PRKCQ: variants seen among roughly 807,000 people sequenced by gnomAD.
PRKCQ encodes the protein protein kinase C theta, also known as protein kinase C theta type.
A neutral mutation model predicts 91.2 loss-of-function variants in PRKCQ; 41 were observed. That is an observed-to-expected ratio of 0.45 (90% CI 0.35 to 0.58). The LOEUF (loss-of-function observed/expected upper bound fraction) is 0.58. Among genes scored for constraint, PRKCQ ranks in the 20% least tolerant of loss-of-function variants. The probability of loss-of-function intolerance (pLI) is 0.00; values close to 1 mark genes in which losing one functional copy is unlikely to be tolerated. For synonymous variants in PRKCQ, 307 were observed against 316.9 expected, an observed-to-expected ratio of 0.97 and a Z score of 0.33; for missense variants, 673 against 896.5, an observed-to-expected ratio of 0.75 and a Z score of 3.18.
At chr10:6,573,584 T>C (rs1588439042) in intron 1 of PRKCQ, among the ~76,000 whole-genome samples, 1 of 152,152 alleles carries the variant, frequency 6.6e-6, no homozygotes, top group East Asian at 1.9e-4. Flanking sequence ...TGTTAGAATA[T>C]ATTGCCATAG....
chr10:6,430,351 G>C lies in PRKCQ; in HGVS notation c.1965+459C>G, dbSNP rs1833349926. 6.6e-6 allele frequency among the ~76,000 whole-genome samples: 1 copy of C among 152,132 alleles called. No homozygotes were observed. The highest frequency in any genetic ancestry group is 2.4e-5 in the African/African-American group (1 of 41,408). On this transcript the variant is annotated intron_variant, in intron 17 of 17. Transcript: ENST00000263125. This position sits in a 1 kb window ranked among gnomAD's most constrained non-coding sequence, Gnocchi z 4.7. Reference sequence around the variant, plus strand: ...AAAGAACACCTAACAATTACCCTTAGGAAATGTCGTTATATGAGCACTTTA... The same window carrying C: ...AAAGAACACCTAACAATTACCCTTACGAAATGTCGTTATATGAGCACTTTA...
intron 15 of PRKCQ, among the ~76,000 whole-genome samples, chr10:6,449,997 C>T (rs1386202144): frequency 2.0e-5 from 3 of 151,704 alleles, no homozygotes; most frequent in Admixed American, 2.0e-4. Context: ...ATGTAAAGAC[C>T]ATCAAGACTA....
At chr10:6,441,754 G>T in intron 16 of PRKCQ, 139 bp downstream of exon 16, 1 of 822,124 alleles carries the variant, frequency 1.2e-6, no homozygotes, top group Non-Finnish European at 1.8e-6. Flanking sequence ...TTAAAACACA[G>T]ACGGTGCACA....
intron 4 of PRKCQ, among the ~76,000 whole-genome samples, chr10:6,505,619 C>T (rs1469211839): frequency 6.7e-6 from 1 of 149,242 alleles, no homozygotes; most frequent in African/African-American, 2.5e-5. Context: ...TCTCTCCCTT[C>T]CTTCCTTCCT....
rs1361509973 is a variant in PRKCQ at position 6,450,840 on chromosome 10, G to A, written c.1647+5834C>T. On this transcript the variant is annotated intron_variant, in intron 15 of 17. Coordinates refer to ENST00000263125, the MANE Select transcript of PRKCQ (RefSeq NM_006257.5). ...CCTGAATGACTACTGGGTACATAACGAAATGAAGGCAGAAATAAAGATGTT... is the reference window on the plus strand; with the variant it reads ...CCTGAATGACTACTGGGTACATAACAAAATGAAGGCAGAAATAAAGATGTT... Among the ~76,000 whole-genome samples, 11 of 152,224 alleles carry A rather than the reference G, an allele frequency of 7.2e-5. 1 individual carries two copies. The highest frequency in any genetic ancestry group is 1.5e-4 in the Non-Finnish European group (10 of 68,020).
intron 15 of PRKCQ, among the ~76,000 whole-genome samples, chr10:6,449,887 G>A (rs1236652191): frequency 2.0e-5 from 3 of 151,990 alleles, no homozygotes; most frequent in Admixed American, 6.6e-5. Context: ...AAATGCTGAG[G>A]GATTTTGTCA....
intron 1 of PRKCQ, among the ~76,000 whole-genome samples, chr10:6,579,317 A>T (rs1430728788): frequency 1.3e-5 from 2 of 152,082 alleles, no homozygotes; most frequent in African/African-American, 4.8e-5. Context: ...AGTCCCCCTC[A>T]GCCTGTGCCA....
chr10:6,454,472 G>A (rs1181329690), intron 15 of PRKCQ, among the ~76,000 whole-genome samples: 1 of 152,120 alleles, frequency 6.6e-6, no homozygotes, highest in Non-Finnish European at 1.5e-5. Flanking sequence ...ACAAGTTTAG[G>A]GCAGTGAATG....
At chr10:6,539,464 T>C (rs1839700727) in intron 1 of PRKCQ, among the ~76,000 whole-genome samples, 1 of 151,730 alleles carries the variant, frequency 6.6e-6, no homozygotes, top group East Asian at 1.9e-4. Flanking sequence ...GAGATCTAGG[T>C]TGCACACTCC....
the PRKCQ span, among the ~76,000 whole-genome samples, chr10:6,405,242 CAG>C: frequency 6.2e-3 from 938 of 152,338 alleles, 7 homozygotes; most frequent in Middle Eastern, 0.01. Context: ...CTCAGCCTCC[CAG>C]AGTGTTGGGA....
At chr10:6,537,272 T>G (rs890069674) in intron 1 of PRKCQ, among the ~76,000 whole-genome samples, 1 of 152,218 alleles carries the variant, frequency 6.6e-6, no homozygotes, top group Admixed American at 6.5e-5. Flanking sequence ...AATCTATACC[T>G]CAGTTTACCT....
At chr10:6,491,051 G>A (rs1208859045) in intron 8 of PRKCQ, among the ~76,000 whole-genome samples, 32 of 152,282 alleles carry the variant, frequency 2.1e-4, no homozygotes, top group Middle Eastern at 3.4e-3. Flanking sequence ...TGAATGGCAG[G>A]TTAGGCTCTG....
rs72781747 is a variant in PRKCQ at position 6,466,487 on chromosome 10, G to A, written c.1354-2083C>T. 9.4e-3 allele frequency among the ~76,000 whole-genome samples: 1,424 copies of A among 152,288 alleles called. 8 individuals are homozygous for A. The highest frequency in any genetic ancestry group is 0.024 in the Middle Eastern group (7 of 294). On this transcript the variant is annotated intron_variant, in intron 12 of 17. Coordinates refer to ENST00000263125, the MANE Select transcript of PRKCQ (RefSeq NM_006257.5). ...AGCAATGGAGATTTATAGTATGTTG[G>A]ATGCCCCACATTTAACCCTCCCAAG...
chr10:6,433,241 C>T (rs10906556), intron 16 of PRKCQ, among the ~76,000 whole-genome samples: 5,743 of 152,282 alleles, frequency 0.038, 361 homozygotes, highest in African/African-American at 0.13. Context: ...TGATGACAAG[C>T]GGCCTCCTTC....
chr10:6,429,682 G>A (rs1215173417), intron 17 of PRKCQ, among the ~76,000 whole-genome samples: 1 of 152,112 alleles, frequency 6.6e-6, no homozygotes, highest in Non-Finnish European at 1.5e-5. Flanking sequence ...TTTAGAAATT[G>A]TGATATACAT....
rs189882930 is a variant in PRKCQ, at chr10:6,543,196, G to A, written c.-9-28052C>T. ...CCCAGCAGTTCCTGTATTTCTGTGC[G>A]CTCAGTAATTGGTGAGCACACATCC... On this transcript the variant is annotated intron_variant, in intron 1 of 17. Transcript: ENST00000263125. Among the ~76,000 whole-genome samples, 12 of 152,292 alleles carry A rather than the reference G, an allele frequency of 7.9e-5. No individual in the cohort carries two copies. In the East Asian group the frequency reaches 1.4e-3, roughly 17 times the overall value.
At chr10:6,463,389 G>A (rs1418142920) in intron 13 of PRKCQ, among the ~76,000 whole-genome samples, 1 of 152,168 alleles carries the variant, frequency 6.6e-6, no homozygotes, top group Non-Finnish European at 1.5e-5. Context: ...GGTCCGGGCT[G>A]GCTGGAGACG....
chr10:6,424,234 G>A (rs995842737), downstream of PRKCQ, among the ~76,000 whole-genome samples: 4 of 152,058 alleles, frequency 2.6e-5, no homozygotes, highest in East Asian at 1.9e-4. Context: ...TGACCTTTCC[G>A]GTGACATTAG....
At chr10:6,529,740 A>G (rs1839324416) in intron 1 of PRKCQ, among the ~76,000 whole-genome samples, 1 of 152,196 alleles carries the variant, frequency 6.6e-6, no homozygotes, top group African/African-American at 2.4e-5. Context: ...TTCTGTGACT[A>G]CATTATCATA....
Sources: allele counts gnomAD v4.1 joint callset (sites outside exome capture counted in the v4.1 genomes callset), GRCh38; gene constraint gnomAD v4.1.1; non-coding constraint Gnocchi (gnomAD v3.1); transcripts MANE v1.5; gene names NCBI Gene and HGNC (gene_info 2026-07-23, HGNC 2026-07-21).